Variants in FAM83E observed in about 807,000 individuals in gnomAD.
FAM83E encodes the protein scaffolding CK1 anchoring protein E.
A neutral mutation model predicts 34.3 loss-of-function variants in FAM83E; 29 were observed. The observed-to-expected ratio is 0.85, with a 90% confidence interval of 0.63 to 1.15. The LOEUF (loss-of-function observed/expected upper bound fraction) is 1.15. Ranked by LOEUF, FAM83E falls within the 50% of genes most tolerant of loss-of-function variation. The pLI is 0.00. For missense variants in FAM83E, 697 were observed against 685.0 expected (o/e 1.02, Z -0.20); for synonymous variants, 312 against 311.6 (o/e 1.00, Z -0.01).
At chr19:48,611,271 C>T (rs2147648183) in intron 3 of FAM83E, among the ~76,000 whole-genome samples, 1 of 151,996 alleles carries the variant, frequency 6.6e-6, no homozygotes, top group East Asian at 1.9e-4. Flanking sequence ...CGGGTTCAAG[C>T]AATTCTCCTG....
chr19:48,614,451 T>C lies in FAM83E; in HGVS notation c.-1079A>G, dbSNP rs1001497361. ...CTCCTGCCAGCTACCCGGACGCTTC[T>C]TCCCGGACAGGGGCCAGTCTCTATC... On this transcript the variant is annotated 5_prime_UTR_variant, in exon 3 of 7. Transcript: ENST00000263266. 5 of 985,618 alleles carry C rather than the reference T, an allele frequency of 5.1e-6. No homozygotes were observed. Among genetic ancestry groups the C allele is most frequent in the Non-Finnish European group, 6.0e-6 (5 of 830,146 alleles). The allele number at this position is 985,618 out of a possible 1,614,324, so 61.1% of individuals were successfully genotyped here.
In FAM83E at chr19:48,614,500, TCA is replaced by T. The variant is rs556307153; in HGVS notation, c.-1130_-1129del. 6.5e-5 allele frequency: 64 copies of T among 985,484 alleles called. 1 individual carries two copies. The South Asian group carries it at 2.4e-3, about 38-fold the overall frequency. The allele number at this position is 985,484 out of a possible 1,614,324, so 61.0% of individuals were successfully genotyped here. On this transcript the variant is annotated 5_prime_UTR_variant, in exon 3 of 7. An upstream open reading frame in the 5' UTR loses its in-frame stop. Coordinates refer to ENST00000263266, the MANE Select transcript of FAM83E (RefSeq NM_017708.4). Reference sequence around the variant, plus strand: ...TCTCGCCCTGTCTCCCTCCCAAGCCTCAGTTATCCCCTTGAGGCTCCTGACCC... The same window carrying T: ...TCTCGCCCTGTCTCCCTCCCAAGCCTGTTATCCCCTTGAGGCTCCTGACCC...
chr19:48,601,203 C>G lies in FAM83E; in HGVS notation c.1343G>C (p.Arg448Pro). 6.2e-7 allele frequency: 1 copy of G among 1,611,662 alleles called. No individual in the cohort carries two copies. Among genetic ancestry groups the G allele is most frequent in the Non-Finnish European group, 8.5e-7 (1 of 1,178,732 alleles). Residue 448 changes from arginine to proline, a missense_variant, in exon 7 of 7, where the codon CGG becomes CCG. Physicochemically the swap from Arg to Pro is moderately radical, Grantham distance 103 (BLOSUM62 -2). Transcript: ENST00000263266. ...TTTGAATGTAGCATCCCCACCGAAC[C>G]GCCTTCGGGCTGGGGACAGATAGCG... ...RLRYLSPARR[R>P]FGGDATFKLQ... is the part of the protein sequence containing the mutation.
At position 48,611,836 on chromosome 19, in the gene FAM83E, C is replaced by T. The variant is rs184938375; in HGVS notation, c.466-989G>A. On this transcript the variant is annotated intron_variant, in intron 3 of 6. Transcript: ENST00000263266. ...CGACACTGCGGTACCCAAATGTCCA[C>T]GGCAGTTTGGCTGTAGGATCAGTGG... 7.2e-5 allele frequency among the ~76,000 whole-genome samples: 11 copies of T among 152,272 alleles called. No homozygotes were observed. The East Asian group carries it at 7.7e-4, about 11-fold the overall frequency.
chr19:48,607,500 GC>G, intron 5 of FAM83E: 1 of 1,138,318 alleles, frequency 8.8e-7, no homozygotes, highest in Non-Finnish European at 1.2e-6. Context: ...TCCACCAGGA[GC>G]CCGGTGCTAG....
At chr19:48,608,483 C>T (rs1215423559) in intron 5 of FAM83E, among the ~76,000 whole-genome samples, 1 of 139,108 alleles carries the variant, frequency 7.2e-6, no homozygotes, top group Non-Finnish European at 1.5e-5. Context: ...CTCGCTCGGT[C>T]ACCCAGGCTT....
At position 48,613,912 on chromosome 19, in the gene FAM83E, G is replaced by C; in HGVS notation, c.-540C>G. ...TAAAGGCACGACAGGTTGCCTGCCT[G>C]CCCCCGGCCAAGAGCACGACGAACT... On this transcript the variant is annotated 5_prime_UTR_variant, in exon 3 of 7. Coordinates refer to ENST00000263266, the MANE Select transcript of FAM83E (RefSeq NM_017708.4). The C allele has an allele frequency of 1.0e-6, 1 of 985,410 alleles. No individual in the cohort carries two copies. 61.0% of individuals were successfully genotyped at this position (985,410 alleles called of 1,614,324 possible).
At chr19:48,605,020 A>C (rs1973899888) in intron 5 of FAM83E, among the ~76,000 whole-genome samples, 1 of 69,496 alleles carries the variant, frequency 1.4e-5, no homozygotes, top group African/African-American at 9.8e-5. Flanking sequence ...ACTCTGACTC[A>C]AAAAAAAAAA....
chr19:48,608,437 CTTTTTTTTTT>C (rs556049341), intron 5 of FAM83E, among the ~76,000 whole-genome samples: 1 of 130,074 alleles, frequency 7.7e-6, no homozygotes. Flanking sequence ...TTTTCTTTTC[CTTTTTTTTTT>C]TTTTTTTTAT....
At chr19:48,609,801 A>G in intron 5 of FAM83E, 75 bp downstream of exon 5, 1 of 1,495,744 alleles carries the variant, frequency 6.7e-7, no homozygotes, top group Non-Finnish European at 9.2e-7. Context: ...AGGGGATGCC[A>G]GCTGTTCTCT....
At chr19:48,605,570 A>AT (rs796815207) in intron 5 of FAM83E, among the ~76,000 whole-genome samples, 40,202 of 142,506 alleles carry the variant, frequency 0.28, 6,147 homozygotes, top group African/African-American at 0.43. Flanking sequence ...GCAAGATCCT[A>AT]TTTTTTTTTT....
Position 48,603,636 on chromosome 19 carries a change from G to A in FAM83E, c.1034C>T (p.Thr345Ile). 3.6e-6 allele frequency: 5 copies of A among 1,371,204 alleles called. No homozygotes were observed. Among genetic ancestry groups the A allele is most frequent in the South Asian group, 1.9e-5 (1 of 52,958 alleles). The allele number at this position is 1,371,204 out of a possible 1,614,324, so 84.9% of individuals were successfully genotyped here. The change falls in exon 6 of 7, where the codon ACC becomes ATC. Residue 345 changes from threonine (T) to isoleucine (I), a missense_variant. Transcript: ENST00000263266. ...RLAACRVSPA[T>I]PGPALSDILR... is the part of the protein sequence containing the mutation. Reference sequence around the variant, plus strand: ...AATGTCACTGAGTGCCGGCCCCGGGGTAGCAGGGGAGACGCGGCAGGCGGC... The same window carrying A: ...AATGTCACTGAGTGCCGGCCCCGGGATAGCAGGGGAGACGCGGCAGGCGGC...
rs1310760949 is a variant in FAM83E at position 48,603,535 on chromosome 19, G to A, written c.1135C>T (p.Arg379Cys). The A allele has an allele frequency of 8.9e-6, 14 of 1,569,442 alleles. No homozygotes were observed. Among genetic ancestry groups the A allele is most frequent in the Admixed American group, 3.5e-5 (2 of 56,792 alleles). Residue 379 changes from arginine (R) to cysteine (C), a missense_variant, in exon 6 of 7, where the codon CGC becomes TGC. By Grantham distance (180) the Arg-to-Cys change is radical. Coordinates refer to ENST00000263266, the MANE Select transcript of FAM83E (RefSeq NM_017708.4). The stretch of plus-strand genomic sequence containing the variant: ...CTGGAGCCAGACAGCTGGGACAGGC[G>A]GCTTAGGTCCCACATGGAGCGGCTG... ...RPSRSMWDLSRLSQLSGSSDG... is the reference protein window; with the variant it reads ...RPSRSMWDLSCLSQLSGSSDG...
At chr19:48,612,133 G>C (rs1381620545) in intron 3 of FAM83E, among the ~76,000 whole-genome samples, 5 of 152,214 alleles carry the variant, frequency 3.3e-5, no homozygotes, top group African/African-American at 9.6e-5. Context: ...CCCTCTGGCG[G>C]TACAGGGTTC....
chr19:48,606,662 T>G, intron 5 of FAM83E: 1 of 335,914 alleles, frequency 3.0e-6, no homozygotes, highest in East Asian at 5.1e-5. Flanking sequence ...ACCCCTTGGA[T>G]TGTGACACCC....
chr19:48,605,157 C>G (rs531723700), intron 5 of FAM83E, among the ~76,000 whole-genome samples: 3 of 152,246 alleles, frequency 2.0e-5, no homozygotes, highest in Admixed American at 6.5e-5. Flanking sequence ...CTTCCGGACA[C>G]TAACAGGGAT....
Position 48,613,169 on chromosome 19 carries a change from T to C in FAM83E, c.204A>G (p.Ala68=), listed in dbSNP as rs1568422417. 6.2e-7 allele frequency: 1 copy of C among 1,612,236 alleles called. No individual in the cohort carries two copies. Among genetic ancestry groups the C allele is most frequent in the Non-Finnish European group, 8.5e-7 (1 of 1,179,916 alleles). Residue 68 remains alanine, a synonymous_variant, in exon 3 of 7, where the codon GCA becomes GCG. Coordinates refer to ENST00000263266, the MANE Select transcript of FAM83E (RefSeq NM_017708.4). ...CCACTGTCCAGTCTTCAGCTGCCGC[T>C]GCCAAGCCCTGAACCTCATCCGCAC... is the stretch of plus-strand genomic sequence containing the variant. ...FLSADEVQGL[A]AAAEDWTVAK...
rs1261652664 is a variant in FAM83E, at chr19:48,600,189, G to C, written c.*920C>G. On this transcript the variant is annotated 3_prime_UTR_variant, in exon 7 of 7. Coordinates refer to ENST00000263266, the MANE Select transcript of FAM83E (RefSeq NM_017708.4). ...CCCCTCCACAGCTCTAGCAGCTCTA[G>C]CTCGGGGCCTCACCCGGGCCCCTCA... 6.6e-6 allele frequency among the ~76,000 whole-genome samples: 1 copy of C among 152,180 alleles called. No homozygotes were observed. Among genetic ancestry groups the C allele is most frequent in the East Asian group, 1.9e-4 (1 of 5,196 alleles).
At chr19:48,611,462 C>T (rs1227082420) in intron 3 of FAM83E, among the ~76,000 whole-genome samples, 1 of 151,898 alleles carries the variant, frequency 6.6e-6, no homozygotes, top group African/African-American at 2.4e-5. Context: ...GCCACCACGC[C>T]CGGCTTTTTT....
Sources: gnomAD v4.1 joint callset for allele counts (sites outside exome capture counted in the v4.1 genomes callset) on GRCh38, gnomAD v4.1.1 for gene constraint, MANE v1.5 for transcripts, NCBI Gene and HGNC (gene_info 2026-07-23, HGNC 2026-07-21) for gene names.